Variants in NFIA observed in about 807,000 individuals in gnomAD.
NFIA encodes the protein nuclear factor I A, also known as nuclear factor 1 A-type.
NFIA carries 8 observed loss-of-function variants against 62.8 expected under a neutral mutation model. The observed-to-expected ratio is 0.13, with a 90% CI of 0.07 to 0.23. The LOEUF (loss-of-function observed/expected upper bound fraction) is 0.23. NFIA is among the 10% of genes least tolerant of loss of function. The pLI, the probability that NFIA is intolerant of heterozygous loss-of-function variation, is 1.00. For missense variants in NFIA, 410 were observed against 642.1 expected (o/e 0.64, Z 3.91); for synonymous variants, 235 against 238.1 (o/e 0.99, Z 0.12).
At chr1:61,374,208 G>A (rs77202239) in intron 6 of NFIA, among the ~76,000 whole-genome samples, 7,697 of 152,164 alleles carry the variant, frequency 0.051, 261 homozygotes, top group Non-Finnish European at 0.074. Context: ...TATACTATAT[G>A]TATTGTTTAT....
At chr1:61,426,746 T>G (rs968869083) in intron 10 of NFIA, among the ~76,000 whole-genome samples, 190 bp downstream of exon 10, 2 of 152,280 alleles carry the variant, frequency 1.3e-5, no homozygotes, top group East Asian at 1.9e-4. Flanking sequence ...AATTTTTGCT[T>G]CTTGTATTGA....
intron 2 of NFIA, among the ~76,000 whole-genome samples, chr1:61,114,379 A>G (rs1231065054): frequency 6.6e-6 from 1 of 151,926 alleles, no homozygotes; most frequent in Non-Finnish European, 1.5e-5. Context: ...AGTCCCAGCT[A>G]CTCAGGAGAC....
At chr1:61,229,601 A>G (rs775456383) in intron 2 of NFIA, among the ~76,000 whole-genome samples, 1 of 152,194 alleles carries the variant, frequency 6.6e-6, no homozygotes, top group Non-Finnish European at 1.5e-5. Context: ...GCTAGGTGCT[A>G]TAAGAATCCC....
chr1:61,237,329 A>G (rs1655068973), intron 2 of NFIA, among the ~76,000 whole-genome samples: 1 of 152,248 alleles, frequency 6.6e-6, no homozygotes, highest in African/African-American at 2.4e-5. Flanking sequence ...GTGTTTGGTT[A>G]CATGAGTAAG....
intron 2 of NFIA, among the ~76,000 whole-genome samples, chr1:61,235,634 A>G (rs1404845743): frequency 6.7e-6 from 1 of 150,342 alleles, no homozygotes; most frequent in Non-Finnish European, 1.5e-5. Context: ...TGGGCAACAT[A>G]GTGAGACCCC....
At chr1:61,197,921 C>T (rs1042448396) in intron 2 of NFIA, among the ~76,000 whole-genome samples, 5 of 152,008 alleles carry the variant, frequency 3.3e-5, no homozygotes, top group Non-Finnish European at 1.5e-5. Context: ...GCGGAGGTTG[C>T]AGTGAGCCAA....
intron 9 of NFIA, among the ~76,000 whole-genome samples, chr1:61,414,078 G>A (rs571743020): frequency 6.6e-6 from 1 of 152,078 alleles, no homozygotes; most frequent in South Asian, 2.1e-4. Flanking sequence ...CATCTTTCTG[G>A]TTCAAGTGAT....
rs1318499833 is a variant in NFIA at position 61,404,084 on chromosome 1, G to C, written c.1076-20G>C. The C allele has an allele frequency of 1.2e-6, 2 of 1,613,340 alleles. No individual in the cohort carries two copies. The highest frequency in any genetic ancestry group is 2.2e-5 in the South Asian group (2 of 90,976). On this transcript the variant is annotated intron_variant, in intron 7 of 10. Transcript: ENST00000403491. ...AGCAGGTCTTTCTTTTCATAACCCT[G>C]ATGTTTTCTTTTCCTGCAGCAAGTC...
intron 2 of NFIA, among the ~76,000 whole-genome samples, chr1:61,092,396 A>G (rs4550087): frequency 3.9e-5 from 6 of 152,142 alleles, no homozygotes; most frequent in African/African-American, 1.4e-4. Flanking sequence ...ACACTTTTGC[A>G]CGGTAATCTT....
intron 2 of NFIA, chr1:61,250,184 T>C (rs1263414642): frequency 6.6e-6 from 1 of 152,230 alleles, no homozygotes; most frequent in East Asian, 1.9e-4. Flanking sequence ...AAAGCGTACA[T>C]TGCTAAAAGC....
At chr1:61,442,260 A>T (rs1447263529) in intron 10 of NFIA, among the ~76,000 whole-genome samples, 1 of 152,126 alleles carries the variant, frequency 6.6e-6, no homozygotes, top group Non-Finnish European at 1.5e-5. Context: ...CACCTTCCAC[A>T]TAGTTTGATC....
At chr1:61,376,091 A>G (rs138958005) in intron 6 of NFIA, among the ~76,000 whole-genome samples, 3 of 152,244 alleles carry the variant, frequency 2.0e-5, no homozygotes, top group Non-Finnish European at 4.4e-5. Context: ...TAGTTTCTAT[A>G]AAGATATACT....
chr1:61,453,060 A>G (rs1668131695), intron 10 of NFIA, among the ~76,000 whole-genome samples: 1 of 152,206 alleles, frequency 6.6e-6, no homozygotes, highest in African/African-American at 2.4e-5. Context: ...AACTTTCCCA[A>G]GTGCCAGAGA....
intron 2 of NFIA, among the ~76,000 whole-genome samples, chr1:61,125,632 A>G (rs1646954674): frequency 6.6e-6 from 1 of 152,172 alleles, no homozygotes; most frequent in Non-Finnish European, 1.5e-5. Flanking sequence ...AACATTTAAG[A>G]GCTTATGGAA....
intron 2 of NFIA, among the ~76,000 whole-genome samples, chr1:61,211,631 A>G (rs1168390590): frequency 1.3e-5 from 2 of 152,336 alleles, no homozygotes; most frequent in South Asian, 2.1e-4. Flanking sequence ...ATTACACCCA[A>G]TTAAACATGT....
chr1:61,225,100 C>T (rs1023615623), intron 2 of NFIA, among the ~76,000 whole-genome samples: 1 of 151,746 alleles, frequency 6.6e-6, no homozygotes, highest in African/African-American at 2.4e-5. Flanking sequence ...TGCTCCATTC[C>T]TCAAAATGTG....
intron 10 of NFIA, among the ~76,000 whole-genome samples, chr1:61,440,859 C>A (rs1667542840): frequency 6.6e-6 from 1 of 151,996 alleles, no homozygotes. Context: ...TTTTAAGATG[C>A]CAGTATTTTT....
chr1:61,414,733 A>C (rs1666276781), intron 9 of NFIA, among the ~76,000 whole-genome samples: 1 of 152,188 alleles, frequency 6.6e-6, no homozygotes. Flanking sequence ...GTAGATTTTA[A>C]GAAAGAATGA....
At chr1:61,204,113 G>A (rs1224322802) in intron 2 of NFIA, among the ~76,000 whole-genome samples, 1 of 152,200 alleles carries the variant, frequency 6.6e-6, no homozygotes, top group Non-Finnish European at 1.5e-5. Flanking sequence ...ATGGTGAACT[G>A]GACGGGGGCC....
Sources: allele counts gnomAD v4.1 joint callset (sites outside exome capture counted in the v4.1 genomes callset), GRCh38; gene constraint gnomAD v4.1.1; transcripts MANE v1.5; gene names NCBI Gene and HGNC (gene_info 2026-07-23, HGNC 2026-07-21).